Variants in MARVELD2 observed in about 807,000 individuals in gnomAD.
MARVELD2 encodes MARVEL domain-containing protein 2.
Under a neutral mutation model 57.6 loss-of-function variants are expected in MARVELD2, and 49 were observed. The ratio of observed to expected loss-of-function variants is 0.85; its 90% CI spans 0.68 to 1.08. The LOEUF is 1.08. MARVELD2 is among the 50% of genes least tolerant of loss of function. The pLI, the probability that MARVELD2 is intolerant of heterozygous loss-of-function variation, is 0.00. For missense variants in MARVELD2, 606 were observed against 701.1 expected (o/e 0.86, Z 1.53); for synonymous variants, 238 against 258.8 (o/e 0.92, Z 0.77).
In MARVELD2 at chr5:69,441,852, G is replaced by A. The variant is rs1017361769; in HGVS notation, c.*198G>A. 1.3e-5 allele frequency: 5 copies of A among 384,440 alleles called. No individual in the cohort carries two copies. The highest frequency in any genetic ancestry group is 1.0e-4 in the East Asian group (2 of 19,330). The allele number at this position is 384,440 out of a possible 1,614,324, so 23.8% of individuals were successfully genotyped here. ...TTACAGGCGTGCGCTGCCACACCCCGCTAATTTTTGTATTTTTAGTAGAGA... is the reference window on the plus strand; with the variant it reads ...TTACAGGCGTGCGCTGCCACACCCCACTAATTTTTGTATTTTTAGTAGAGA... On this transcript the variant is annotated 3_prime_UTR_variant, in exon 7 of 7. Coordinates refer to ENST00000325631, the MANE Select transcript of MARVELD2 (RefSeq NM_001038603.3).
In MARVELD2 at chr5:69,443,516, T is replaced by A. The variant is rs1009019298; in HGVS notation, c.*1862T>A. ...GCCCAGCAGGGATGCTTCATCTTTC[T>A]AAGAATTATCTTGGCTTTGGACTTT... On this transcript the variant is annotated 3_prime_UTR_variant, in exon 7 of 7. Transcript: ENST00000325631. The A allele has an allele frequency of 6.6e-6, 1 of 152,208 alleles. No individual in the cohort carries two copies. Among genetic ancestry groups the A allele is most frequent in the African/African-American group, 2.4e-5 (1 of 41,452 alleles). The allele number at this position is 152,208 out of a possible 1,614,324, so 9.4% of individuals were successfully genotyped here.
Position 69,441,582 on chromosome 5 carries a change from A to G in MARVELD2, c.1605A>G (p.Lys535=), listed in dbSNP as rs370290900. The stretch of plus-strand genomic sequence containing the variant: ...AACGCTGTGATTACCTAAAGAATAA[A>G]CTTTCTCACATAAAGCAAAGAATTC... The part of the protein sequence containing the change: ...KKERCDYLKN[K]LSHIKQRIQE... The change falls in exon 7 of 7, where the codon AAA becomes AAG. Residue 535 remains lysine (K), a synonymous_variant. Transcript: ENST00000325631. The G allele has an allele frequency of 4.4e-6, 7 of 1,603,002 alleles. No homozygotes were observed. The African/African-American group carries it at 8.0e-5, about 18-fold the overall frequency.
At chr5:69,437,314 G>A (rs940021848) in intron 5 of MARVELD2, among the ~76,000 whole-genome samples, 1 of 151,356 alleles carries the variant, frequency 6.6e-6, no homozygotes, top group Non-Finnish European at 1.5e-5. Flanking sequence ...CCAGGAGGCG[G>A]AGGCTCTGGT....
chr5:69,419,467 A>G lies in MARVELD2; in HGVS notation c.82A>G (p.Ile28Val), dbSNP rs768778743. The G allele has an allele frequency of 6.2e-7, 1 of 1,614,182 alleles. No homozygotes were observed. ...PSDLPYQDTT[I>V]RTHPTLHDSE... ...CGACCTGCCCTATCAAGATACCACCATAAGAACCCACCCAACTCTTCATGA... is the reference window on the plus strand; with the variant it reads ...CGACCTGCCCTATCAAGATACCACCGTAAGAACCCACCCAACTCTTCATGA... The change falls in exon 2 of 7, where the codon ATA becomes GTA. Residue 28 changes from isoleucine (I) to valine (V), a missense_variant. By Grantham distance (29) the Ile-to-Val change is conservative (BLOSUM62 3). Transcript: ENST00000325631.
In MARVELD2 at chr5:69,419,813, C is replaced by A. The variant is rs775697447; in HGVS notation, c.428C>A (p.Thr143Asn). 1.2e-6 allele frequency: 2 copies of A among 1,614,066 alleles called. No homozygotes were observed. Among genetic ancestry groups the A allele is most frequent in the Admixed American group, 3.3e-5 (2 of 59,992 alleles). Residue 143 changes from threonine (T) to asparagine (N), a missense_variant, in exon 2 of 7, where the codon ACC becomes AAC. Physicochemically the swap from Thr to Asn is moderately conservative, Grantham distance 65. Transcript: ENST00000325631. ...GATCCCTACGGAGGGTCAGAAGGAA[C>A]CTTTAGTTCCCGGAAAGAGGCTGAC... ...CKDPYGGSEG[T>N]FSSRKEADAV...
chr5:69,436,442 CACACACACACATAT>C (rs1487350837), intron 5 of MARVELD2, among the ~76,000 whole-genome samples: 3 of 142,668 alleles, frequency 2.1e-5, no homozygotes, highest in Admixed American at 1.4e-4. Flanking sequence ...CACACACACA[CACACACACACATAT>C]ATATAAATTT....
At chr5:69,430,887 G>A (rs556293544) in intron 3 of MARVELD2, among the ~76,000 whole-genome samples, 1 of 151,532 alleles carries the variant, frequency 6.6e-6, no homozygotes, top group Non-Finnish European at 1.5e-5. Context: ...TGACCTTGGA[G>A]AATTGACTTG....
At chr5:69,434,622 C>T (rs1217723491) in intron 5 of MARVELD2, among the ~76,000 whole-genome samples, 1 of 152,194 alleles carries the variant, frequency 6.6e-6, no homozygotes, top group Non-Finnish European at 1.5e-5. Context: ...TCCGCACCCC[C>T]CACATTTTTC....
At position 69,442,598 on chromosome 5, in the gene MARVELD2, A is replaced by G. The variant is rs1264922042; in HGVS notation, c.*944A>G. ...AAATTATAAAGAATGAGTCTCAAGAAAAGGTCCTTAATGAGCAAGCCCAAC... is the reference window on the plus strand; with the variant it reads ...AAATTATAAAGAATGAGTCTCAAGAGAAGGTCCTTAATGAGCAAGCCCAAC... On this transcript the variant is annotated 3_prime_UTR_variant, in exon 7 of 7. Transcript: ENST00000325631. The G allele has an allele frequency of 2.0e-5, 3 of 152,240 alleles. No individual in the cohort carries two copies. Among genetic ancestry groups the G allele is most frequent in the African/African-American group, 7.2e-5 (3 of 41,452 alleles). 9.4% of individuals were successfully genotyped at this position (152,240 alleles called of 1,614,324 possible).
intron 1 of MARVELD2, among the ~76,000 whole-genome samples, chr5:69,417,057 C>CA (rs1362138096): frequency 6.6e-6 from 1 of 152,258 alleles, no homozygotes; most frequent in African/African-American, 2.4e-5. Flanking sequence ...GCTGCTGCCA[C>CA]AGTAGCTTCC....
intron 5 of MARVELD2, among the ~76,000 whole-genome samples, chr5:69,436,999 G>A (rs2150931169): frequency 6.6e-6 from 1 of 152,006 alleles, no homozygotes; most frequent in Admixed American, 6.6e-5. Flanking sequence ...AGCACTTTGG[G>A]AGGCCAAGGT....
intron 3 of MARVELD2, 48 bp downstream of exon 3, chr5:69,424,684 T>G: frequency 7.0e-7 from 1 of 1,421,572 alleles, no homozygotes; most frequent in Non-Finnish European, 9.9e-7. Flanking sequence ...TGTTAATACT[T>G]TTCTCTTAGG....
Position 69,444,213 on chromosome 5 carries a change from C to T in MARVELD2, c.*2559C>T, listed in dbSNP as rs548738906. 7.3e-5 allele frequency: 11 copies of T among 151,664 alleles called. No homozygotes were observed. The highest frequency in any genetic ancestry group is 7.2e-4 in the Admixed American group (11 of 15,180). 9.4% of individuals were successfully genotyped at this position (151,664 alleles called of 1,614,324 possible). On this transcript the variant is annotated 3_prime_UTR_variant, in exon 7 of 7. Transcript: ENST00000325631. ...GTGCATTAAAGTTTCAGTCACCTGC[C>T]GTGTGTGTGTGTGCCCTTTTATGTT...
intron 1 of MARVELD2, among the ~76,000 whole-genome samples, chr5:69,418,170 C>A (rs747381668): frequency 6.6e-6 from 1 of 152,062 alleles, no homozygotes; most frequent in Non-Finnish European, 1.5e-5. Flanking sequence ...AATTTTGAGA[C>A]CTTCATAGTA....
intron 1 of MARVELD2, among the ~76,000 whole-genome samples, chr5:69,418,415 T>C (rs1465016742): frequency 6.6e-6 from 1 of 152,232 alleles, no homozygotes; most frequent in Non-Finnish European, 1.5e-5. Flanking sequence ...TTTTCTATGC[T>C]TTATTTTTGA....
chr5:69,416,190 G>A (rs1561287233), intron 1 of MARVELD2, among the ~76,000 whole-genome samples: 1 of 152,192 alleles, frequency 6.6e-6, no homozygotes, highest in Non-Finnish European at 1.5e-5. Context: ...AAAATCATTT[G>A]TTGTGCTTTT....
At position 69,441,521 on chromosome 5, in the gene MARVELD2, T is replaced by G; in HGVS notation, c.1555-11T>G. On this transcript the variant is annotated splice_polypyrimidine_tract_variant and intron_variant, in intron 6 of 6. Coordinates refer to ENST00000325631, the MANE Select transcript of MARVELD2 (RefSeq NM_001038603.3). ...CCAGGAGCCAAAATAATACTTATAT[T>G]TCTTTTACAGGATCCTACATTTCTG... is the stretch of plus-strand genomic sequence containing the variant. The G allele has an allele frequency of 6.2e-7, 1 of 1,609,416 alleles. No homozygotes were observed. Among genetic ancestry groups the G allele is most frequent in the Non-Finnish European group, 8.5e-7 (1 of 1,177,158 alleles).
In MARVELD2 at chr5:69,441,693, A is replaced by T. The variant is rs955881293; in HGVS notation, c.*39A>T. ...CCACTTTATTTTTTTATTTTATTTT[A>T]TTTTTTTGAGATGAAGTCTCGCTCT... On this transcript the variant is annotated 3_prime_UTR_variant, in exon 7 of 7. Transcript: ENST00000325631. 7.0e-7 allele frequency: 1 copy of T among 1,421,130 alleles called. No individual in the cohort carries two copies. The highest frequency in any genetic ancestry group is 1.4e-5 in the African/African-American group (1 of 69,832). The allele number at this position is 1,421,130 out of a possible 1,614,324, so 88.0% of individuals were successfully genotyped here. A position where few individuals can be genotyped will look rare whatever the true frequency, so the allele number is the denominator to read the frequency against.
chr5:69,420,666 T>C (rs1766602197), intron 2 of MARVELD2, 135 bp downstream of exon 2: 3 of 892,914 alleles, frequency 3.4e-6, no homozygotes, highest in Non-Finnish European at 5.1e-6. Flanking sequence ...TTTTTTTTTT[T>C]TCAATGGTCT....
Sources: allele counts gnomAD v4.1 joint callset (sites outside exome capture counted in the v4.1 genomes callset), GRCh38; gene constraint gnomAD v4.1.1; transcripts MANE v1.5; gene names NCBI Gene and HGNC (gene_info 2026-07-23, HGNC 2026-07-21).